The following STRN3 variants were observed in gnomAD, a reference collection of about 807,000 sequenced individuals.
STRN3 encodes the protein striatin 3.
In STRN3, 29 loss-of-function variants were observed where a neutral mutation model predicts 95.6. The ratio of observed to expected loss-of-function variants is 0.30; its 90% CI spans 0.23 to 0.41. STRN3 has a LOEUF of 0.41. Ranked by LOEUF, STRN3 falls within the 10% of genes least tolerant of loss-of-function variation. The pLI is 1.00. For synonymous variants in STRN3, 331 were observed against 357.6 expected (o/e 0.93, Z 0.84); for missense variants, 890 against 972.1 (o/e 0.92, Z 1.12).
chr14:30,993,085 T>C (rs12895940), intron 1 of STRN3, among the ~76,000 whole-genome samples: 35,498 of 152,040 alleles, frequency 0.23, 4,381 homozygotes, highest in Non-Finnish European at 0.26. Context: ...GGCAACATAG[T>C]GGGACCCCAA....
chr14:30,939,391 C>T (rs1438894212), intron 5 of STRN3, among the ~76,000 whole-genome samples: 1 of 151,964 alleles, frequency 6.6e-6, no homozygotes, highest in African/African-American at 2.4e-5. Context: ...AATTAAGGAA[C>T]GCAGTCTGGA....
chr14:30,919,758 G>A (rs374637149), intron 8 of STRN3, among the ~76,000 whole-genome samples: 5 of 152,210 alleles, frequency 3.3e-5, no homozygotes, highest in African/African-American at 1.2e-4. Flanking sequence ...GATATGAAAA[G>A]TCAGCACTGT....
chr14:30,944,307 A>G (rs1466305692), intron 5 of STRN3, among the ~76,000 whole-genome samples: 1 of 151,906 alleles, frequency 6.6e-6, no homozygotes, highest in East Asian at 1.9e-4. Flanking sequence ...TTATGCTACA[A>G]AACACTCTAT....
intron 9 of STRN3, among the ~76,000 whole-genome samples, 160 bp downstream of exon 9, chr14:30,918,806 A>C (rs1445793115): frequency 2.0e-5 from 3 of 152,208 alleles, no homozygotes; most frequent in Non-Finnish European, 4.4e-5. Flanking sequence ...AAATGTCAAA[A>C]TCCCTAAATT....
chr14:30,925,708 GA>G (rs1897011053), intron 8 of STRN3, among the ~76,000 whole-genome samples: 1 of 152,106 alleles, frequency 6.6e-6, no homozygotes, highest in East Asian at 1.9e-4. Flanking sequence ...TAACCACAAA[GA>G]AATGATGAAT....
At chr14:30,941,552 C>T (rs1003010987) in intron 5 of STRN3, among the ~76,000 whole-genome samples, 1 of 152,170 alleles carries the variant, frequency 6.6e-6, no homozygotes, top group Non-Finnish European at 1.5e-5. Flanking sequence ...CACTACCATT[C>T]TTTGGAGTAG....
At chr14:30,996,360 T>C (rs901471189) in intron 1 of STRN3, among the ~76,000 whole-genome samples, 1 of 152,108 alleles carries the variant, frequency 6.6e-6, no homozygotes, top group African/African-American at 2.4e-5. Flanking sequence ...GGTGGTAAAT[T>C]GGGTAGTTTT....
At chr14:30,949,203 C>T (rs1348061906) in intron 4 of STRN3, among the ~76,000 whole-genome samples, 1 of 152,056 alleles carries the variant, frequency 6.6e-6, no homozygotes, top group Non-Finnish European at 1.5e-5. Context: ...ATCCAGCATC[C>T]TTCCAATCAA....
intron 1 of STRN3, among the ~76,000 whole-genome samples, chr14:31,019,896 T>TC (rs1313066320): frequency 1.3e-5 from 2 of 151,228 alleles, no homozygotes; most frequent in African/African-American, 4.9e-5. Context: ...CTTTTTTTTT[T>TC]TTTTCTTTTT....
At chr14:30,956,024 T>C in intron 2 of STRN3, 115 bp downstream of exon 2, 2 of 755,900 alleles carry the variant, frequency 2.6e-6, no homozygotes, top group South Asian at 2.0e-5. Context: ...CAGCATCATG[T>C]ATTCGGGCAA....
intron 1 of STRN3, among the ~76,000 whole-genome samples, chr14:30,994,067 G>A (rs757151738): frequency 1.3e-5 from 2 of 150,324 alleles, no homozygotes; most frequent in African/African-American, 2.5e-5. Context: ...AGTAGAGATG[G>A]GGTTTCCCAT....
At chr14:30,960,389 G>C (rs1880130904) in intron 1 of STRN3, among the ~76,000 whole-genome samples, 1 of 152,088 alleles carries the variant, frequency 6.6e-6, no homozygotes, top group Non-Finnish European at 1.5e-5. Context: ...ATATAACACT[G>C]CAGCAATTAA....
Position 30,926,137 on chromosome 14 carries a change from T to A in STRN3, c.1099+3064A>T, listed in dbSNP as rs530468464. ...TAAAGAGTGAAAAGTTTTCAATTTA[T>A]AAACCTTCATAAAGGAAGTATAAAA... On this transcript the variant is annotated intron_variant, in intron 8 of 17. Coordinates refer to ENST00000357479, the MANE Select transcript of STRN3 (RefSeq NM_001083893.2). Among the ~76,000 whole-genome samples, 72 of 152,248 alleles carry A rather than the reference T, an allele frequency of 4.7e-4. No homozygotes were observed. The Middle Eastern group carries it at 0.02, about 43-fold the overall frequency.
chr14:31,011,685 A>T (rs1882974941), intron 1 of STRN3, among the ~76,000 whole-genome samples: 1 of 152,190 alleles, frequency 6.6e-6, no homozygotes, highest in African/African-American at 2.4e-5. Flanking sequence ...AGTGCTAACA[A>T]GGAAATGACC....
At chr14:30,920,607 A>G (rs1447289382) in intron 8 of STRN3, among the ~76,000 whole-genome samples, 1 of 152,178 alleles carries the variant, frequency 6.6e-6, no homozygotes, top group African/African-American at 2.4e-5. Flanking sequence ...GGTTTTAAAA[A>G]AGAATCTCCC....
intron 5 of STRN3, among the ~76,000 whole-genome samples, chr14:30,944,989 T>A: frequency 6.6e-6 from 1 of 152,288 alleles, no homozygotes; most frequent in East Asian, 1.9e-4. Flanking sequence ...ATAAACTATA[T>A]ACATTATTTA....
intron 1 of STRN3, among the ~76,000 whole-genome samples, chr14:30,991,574 G>A (rs189849871): frequency 6.6e-6 from 1 of 152,158 alleles, no homozygotes; most frequent in Admixed American, 6.5e-5. Context: ...AGAGAACTCA[G>A]ATCAAATGGG....
At chr14:30,943,917 C>T (rs1879214005) in intron 5 of STRN3, among the ~76,000 whole-genome samples, 1 of 151,918 alleles carries the variant, frequency 6.6e-6, no homozygotes, top group East Asian at 1.9e-4. Context: ...GTTATTGTTT[C>T]CAGTCATACC....
chr14:30,950,030 A>G (rs570568576), intron 4 of STRN3, among the ~76,000 whole-genome samples: 1 of 152,270 alleles, frequency 6.6e-6, no homozygotes, highest in African/African-American at 2.4e-5. Context: ...AGGAAGTGGT[A>G]AACAGTGGGC....
Sources: gnomAD v4.1 joint callset for allele counts (sites outside exome capture counted in the v4.1 genomes callset) on GRCh38, gnomAD v4.1.1 for gene constraint, MANE v1.5 for transcripts, NCBI Gene and HGNC (gene_info 2026-07-23, HGNC 2026-07-21) for gene names.